MACF1: variants seen among roughly 807,000 people sequenced by gnomAD.
MACF1 encodes the protein microtubule actin crosslinking factor 1.
In MACF1, 193 loss-of-function variants were observed where a neutral mutation model predicts 854.8. The observed-to-expected ratio is 0.23, with a 90% CI of 0.20 to 0.25. The LOEUF is 0.25. Ranked by LOEUF, MACF1 falls within the 10% of genes least tolerant of loss-of-function variation. MACF1 has a pLI of 1.00. For missense variants in MACF1, 7,722 were observed against 8,929.1 expected (o/e 0.86, Z 5.45); for synonymous variants, 3,185 against 3,226.7 (o/e 0.99, Z 0.44).
chr1:39,470,368 G>T (rs1015553404), intron 97 of MACF1, among the ~76,000 whole-genome samples: 4 of 152,056 alleles, frequency 2.6e-5, no homozygotes, highest in Admixed American at 2.0e-4. Flanking sequence ...TAAAAAAATT[G>T]GGGCCAGGTA....
intron 6 of MACF1, chr1:39,268,869 A>G (rs1557554007): frequency 1.6e-6 from 2 of 1,289,730 alleles, no homozygotes; most frequent in South Asian, 2.5e-5. Context: ...AACTGGAGTC[A>G]TTGAAGAGAC....
chr1:39,331,551 C>T lies in MACF1; in HGVS notation c.4963C>T (p.His1655Tyr), dbSNP rs1274882652. The T allele has an allele frequency of 2.5e-6, 4 of 1,614,036 alleles. No homozygotes were observed. The highest frequency in any genetic ancestry group is 2.7e-5 in the African/African-American group (2 of 74,912). Residue 1655 changes from histidine (H) to tyrosine (Y), a missense_variant, in exon 37 of 101, where the codon CAC becomes TAC. His to Tyr is a moderately conservative substitution (Grantham distance 83). This residue lies in a region of MACF1 where 1,531 missense variants were observed against 1,601.6 expected (regional missense o/e 0.96). Transcript: ENST00000564288. ...ETVGLKILEA[H>Y]LATGGFSLSP... is the part of the protein sequence containing the mutation. ...AGTTGGACTGAAAATCTTAGAAGCT[C>T]ACCTGGCAACTGGAGGTTTCAGTCT...
intron 58 of MACF1, among the ~76,000 whole-genome samples, chr1:39,418,600 T>C (rs1643417710): frequency 6.6e-6 from 1 of 152,272 alleles, no homozygotes; most frequent in Non-Finnish European, 1.5e-5. Flanking sequence ...CCGTGGCTCA[T>C]GCCTGTAATC....
chr1:39,388,653 T>A lies in MACF1; in HGVS notation c.15811T>A (p.Phe5271Ile). 6.4e-7 allele frequency: 1 copy of A among 1,562,522 alleles called. No homozygotes were observed. Among genetic ancestry groups the A allele is most frequent in the Non-Finnish European group, 8.6e-7 (1 of 1,158,452 alleles). ...VEIINQQLADFKMFQKEQVDP... is the reference protein window; with the variant it reads ...VEIINQQLADIKMFQKEQVDP... ...AATCATCAACCAACAATTAGCAGATTTTAAAGTAAGTCTGAACCTTGTTTT... is the reference window on the plus strand; with the variant it reads ...AATCATCAACCAACAATTAGCAGATATTAAAGTAAGTCTGAACCTTGTTTT... The change falls in exon 58 of 101, where the codon TTT (phenylalanine) becomes ATT (isoleucine). Residue 5271 changes from phenylalanine to isoleucine, a missense_variant. Transcript: ENST00000564288.
chr1:39,468,825 CTG>C, intron 96 of MACF1, 93 bp downstream of exon 96: 1 of 1,184,906 alleles, frequency 8.4e-7, no homozygotes, highest in South Asian at 1.3e-5. Context: ...TGGGGTCTGT[CTG>C]TTTTTTATTT....
rs1361620430 is a variant in MACF1, at chr1:39,410,937, C to T, written c.15817-11437C>T. 3 of 1,613,882 alleles carry T rather than the reference C, an allele frequency of 1.9e-6. No individual in the cohort carries two copies. In the African/African-American group the frequency reaches 4.0e-5, roughly 22 times the overall value. ...GCCAGGACTTTAGATTTCAGCAGCA[C>T]AGTGCAAACCCTCCTCATGAATTCC... On this transcript the variant is annotated intron_variant, in intron 58 of 100. Coordinates refer to ENST00000564288, the MANE Select transcript of MACF1 (RefSeq NM_001394062.1).
rs1187788745 is a variant in MACF1 at position 39,105,255 on chromosome 1, C to G, written c.220+20817C>G. 6.6e-6 allele frequency among the ~76,000 whole-genome samples: 1 copy of G among 150,892 alleles called. No homozygotes were observed. The highest frequency in any genetic ancestry group is 1.5e-5 in the Non-Finnish European group (1 of 67,614). ...CCGCAGCCTGGGGCCGAGGACTCGC[C>G]GGGACCCGGAGGCGGCGGGGAGAGG... On this transcript the variant is annotated intron_variant, in intron 2 of 93. Coordinates refer to the MACF1 transcript ENST00000361689. This position sits in a 1 kb window ranked among gnomAD's most constrained non-coding sequence, Gnocchi z 5.9.
intron 94 of MACF1, 24 bp downstream of exon 94, chr1:39,463,710 T>C (rs752632825): frequency 5.7e-5 from 91 of 1,602,486 alleles, no homozygotes; most frequent in Non-Finnish European, 7.1e-5. Flanking sequence ...AAAGCAGTCC[T>C]TTGTTGTGGT....
In MACF1 at chr1:39,289,112, G is replaced by A. The variant is rs1192735181; in HGVS notation, c.1785+1550G>A. Among the ~76,000 whole-genome samples, 20 of 152,168 alleles carry A rather than the reference G, an allele frequency of 1.3e-4. 1 individual carries two copies. Among genetic ancestry groups the A allele is most frequent in the Non-Finnish European group, 7.3e-5 (5 of 68,032 alleles). On this transcript the variant is annotated intron_variant, in intron 15 of 100. Transcript: ENST00000564288. The stretch of plus-strand genomic sequence containing the variant: ...TTGAATAGTACTCCATTGTGTTTAA[G>A]TACCACATTTTCTTTCTCCATTCAT...
chr1:39,204,933 C>T lies in MACF1; in HGVS notation c.-90C>T, dbSNP rs1644433184. 2 of 682,886 alleles carry T rather than the reference C, an allele frequency of 2.9e-6. No homozygotes were observed. The highest frequency in any genetic ancestry group is 5.3e-6 in the Non-Finnish European group (2 of 375,244). 42.3% of individuals were successfully genotyped at this position (682,886 alleles called of 1,614,324 possible). ...CCGGCCTCTGCCTCTGCTGATAGTA[C>T]AGGACAACAGTAACCTCAGGAGAAA... On this transcript the variant is annotated 5_prime_UTR_variant, in exon 1 of 101. Transcript: ENST00000564288.
At chr1:39,178,223 G>A (rs1030779680) in intron 2 of MACF1, among the ~76,000 whole-genome samples, 1 of 150,008 alleles carries the variant, frequency 6.7e-6, no homozygotes, top group African/African-American at 2.5e-5. Context: ...TAAGTTCTGG[G>A]ATACATGTGC....
intron 2 of MACF1, among the ~76,000 whole-genome samples, chr1:39,116,809 G>A (rs755292421): frequency 7.9e-5 from 12 of 152,142 alleles, no homozygotes; most frequent in Non-Finnish European, 1.3e-4. Flanking sequence ...CTCACTTGTG[G>A]TCTTTAATCC....
Position 39,332,477 on chromosome 1 carries a change from G to A in MACF1, c.5889G>A (p.Leu1963=), listed in dbSNP as rs1320247170. Reference sequence around the variant, plus strand: ...CCACAGCAAGCCAGAGTGAGAATCTGTTGTTCCAGCTGATGACTCACAGCT... The same window carrying A: ...CCACAGCAAGCCAGAGTGAGAATCTATTGTTCCAGCTGATGACTCACAGCT... ...PKATASQSEN[L]LFQLMTHSYI... The change falls in exon 37 of 101, where the codon CTG becomes CTA. Residue 1963 remains leucine (L), a synonymous_variant. Transcript: ENST00000564288. 3.7e-6 allele frequency: 6 copies of A among 1,614,072 alleles called. No individual in the cohort carries two copies. Among genetic ancestry groups the A allele is most frequent in the Middle Eastern group, 3.3e-4 (2 of 6,062 alleles).
At chr1:39,456,060 G>A (rs1204702754) in intron 89 of MACF1, among the ~76,000 whole-genome samples, 11 of 152,186 alleles carry the variant, frequency 7.2e-5, no homozygotes, top group Admixed American at 1.3e-4. Context: ...GAGGCCAGGC[G>A]TGGTGGCTCA....
intron 49 of MACF1, among the ~76,000 whole-genome samples, chr1:39,366,512 T>C (rs1648726507): frequency 6.6e-6 from 1 of 152,138 alleles, no homozygotes; most frequent in African/African-American, 2.4e-5. Flanking sequence ...CAGAAGTGTT[T>C]TAAAATTTAG....
chr1:39,297,055 C>T (rs1312431103), intron 20 of MACF1, among the ~76,000 whole-genome samples: 1 of 151,822 alleles, frequency 6.6e-6, no homozygotes, highest in South Asian at 2.1e-4. Flanking sequence ...TCTCGAATAG[C>T]TGGGACTACA....
chr1:39,383,962 C>A (rs1650473683), intron 56 of MACF1, among the ~76,000 whole-genome samples: 2 of 152,052 alleles, frequency 1.3e-5, no homozygotes, highest in African/African-American at 4.8e-5. Context: ...ATATCTGTTA[C>A]AATATCGAAT....
chr1:39,236,590 A>G (rs1272514118), intron 2 of MACF1, among the ~76,000 whole-genome samples: 1 of 152,190 alleles, frequency 6.6e-6, no homozygotes, highest in East Asian at 1.9e-4. Flanking sequence ...GAGGGCAAAT[A>G]TTGTGTCTTA....
intron 84 of MACF1, among the ~76,000 whole-genome samples, chr1:39,450,101 A>G (rs1234401743): frequency 6.6e-6 from 1 of 151,810 alleles, no homozygotes; most frequent in Non-Finnish European, 1.5e-5. Flanking sequence ...TGACCTCATG[A>G]TCCACCTGCC....
Sources: gnomAD v4.1 joint callset for allele counts (sites outside exome capture counted in the v4.1 genomes callset) on GRCh38, gnomAD v4.1.1 for gene constraint, gnomAD v4.1.1 regional missense constraint, Gnocchi (gnomAD v3.1) non-coding constraint, MANE v1.5 for transcripts, NCBI Gene and HGNC (gene_info 2026-07-23, HGNC 2026-07-21) for gene names.